Variants in KLF12 observed in about 807,000 individuals in gnomAD.
KLF12 encodes KLF transcription factor 12.
Under a neutral mutation model 37.8 loss-of-function variants are expected in KLF12, and 9 were observed. The ratio of observed to expected loss-of-function variants is 0.24; its 90% confidence interval spans 0.14 to 0.42. The LOEUF (loss-of-function observed/expected upper bound fraction) is 0.42. Among genes scored for constraint, KLF12 ranks in the 10% least tolerant of loss-of-function variants. KLF12 has a pLI of 1.00. For missense variants in KLF12, 411 were observed against 516.0 expected, an observed-to-expected ratio of 0.80 and a Z score of 1.97; for synonymous variants, 208 against 202.1, an observed-to-expected ratio of 1.03 and a Z score of -0.25.
chr13:74,191,718 T>C, the KLF12 span, among the ~76,000 whole-genome samples: 5 of 152,190 alleles, frequency 3.3e-5, no homozygotes, highest in African/African-American at 1.2e-4. Flanking sequence ...AAATGAGTCA[T>C]TCCTTAGCAC....
chr13:74,117,576 C>A lies in KLF12; in HGVS notation c.-32+16163G>T, dbSNP rs78882196. ...GACTTAGTGACTCACTTCCACAGAA[C>A]AGAGTAAGGAAATGGAAAAAAATTA... On this transcript the variant is annotated intron_variant, in intron 1 of 7. Transcript: ENST00000377669. Among the ~76,000 whole-genome samples the A allele has an allele frequency of 9.1e-3, 1,389 of 152,232 alleles. 14 individuals are homozygous for A. The highest frequency in any genetic ancestry group is 0.021 in the South Asian group (101 of 4,830).
chr13:73,721,555 A>G (rs1010633897), intron 6 of KLF12, among the ~76,000 whole-genome samples: 50 of 152,170 alleles, frequency 3.3e-4, no homozygotes, highest in African/African-American at 1.1e-3. Flanking sequence ...CTCTCCTTTC[A>G]TCTTGTTTTT....
At chr13:73,948,366 C>T (rs528531203) in intron 2 of KLF12, among the ~76,000 whole-genome samples, 1 of 152,340 alleles carries the variant, frequency 6.6e-6, no homozygotes, top group East Asian at 1.9e-4. Context: ...GGATTACAGG[C>T]ATGCGCCACC....
At chr13:73,725,164 A>G (rs1291993606) in intron 6 of KLF12, among the ~76,000 whole-genome samples, 1 of 152,034 alleles carries the variant, frequency 6.6e-6, no homozygotes, top group Non-Finnish European at 1.5e-5. Flanking sequence ...GCAGTGGTGC[A>G]ATCTCAGCTC....
chr13:74,262,813 A>G, the KLF12 span, among the ~76,000 whole-genome samples: 1 of 152,102 alleles, frequency 6.6e-6, no homozygotes, highest in Middle Eastern at 3.2e-3. Context: ...GTATATATAT[A>G]TATGTGTGCA....
intron 1 of KLF12, among the ~76,000 whole-genome samples, chr13:74,011,346 T>C (rs1892547021): frequency 6.6e-6 from 1 of 152,108 alleles, no homozygotes; most frequent in African/African-American, 2.4e-5. Context: ...GTGATTTCAC[T>C]GACCACCAGG....
At chr13:74,181,712 C>CAAAAAAAAAAAAAAAAAAA in the KLF12 span, among the ~76,000 whole-genome samples, 1 of 105,822 alleles carries the variant, frequency 9.4e-6, no homozygotes. Context: ...AAAAAAAAAA[C>CAAAAAAAAAAAAAAAAAAA]AAAAAAAAAA....
At chr13:74,193,195 G>C in the KLF12 span, among the ~76,000 whole-genome samples, 4 of 151,992 alleles carry the variant, frequency 2.6e-5, no homozygotes, top group Non-Finnish European at 5.9e-5. Flanking sequence ...GGCCAGGCTG[G>C]TCTCGAACTC....
intron 2 of KLF12, among the ~76,000 whole-genome samples, chr13:73,964,788 C>T (rs1369098715): frequency 6.6e-6 from 1 of 151,812 alleles, no homozygotes; most frequent in East Asian, 1.9e-4. Flanking sequence ...TCGAGACTGG[C>T]GTGGGTAACA....
intron 7 of KLF12, among the ~76,000 whole-genome samples, chr13:73,712,801 G>C (rs904416924): frequency 6.6e-6 from 1 of 152,182 alleles, no homozygotes; most frequent in Admixed American, 6.5e-5. Flanking sequence ...CGACTCTAAA[G>C]GCTCAGATGA....
chr13:74,124,004 T>C (rs1877792804), intron 1 of KLF12, among the ~76,000 whole-genome samples: 1 of 147,780 alleles, frequency 6.8e-6, no homozygotes, highest in Admixed American at 6.7e-5. Context: ...AAAGCAATTT[T>C]TGTTGTTGTT....
chr13:73,907,459 C>A (rs1218175255), intron 3 of KLF12, among the ~76,000 whole-genome samples: 1 of 152,170 alleles, frequency 6.6e-6, no homozygotes, highest in East Asian at 1.9e-4. Flanking sequence ...ACCCACTTTC[C>A]TTCATGTAAC....
At position 74,055,562 on chromosome 13, in the gene KLF12, A is replaced by C. The variant is rs140168032; in HGVS notation, c.-31-60509T>G. On this transcript the variant is annotated intron_variant, in intron 1 of 7. Coordinates refer to ENST00000377669, the MANE Select transcript of KLF12 (RefSeq NM_007249.5). ...CTATGCAAGAATATGGAAACAAACT[A>C]TAGGCACAGTCAACCTTCCACAGTG... 3.7e-4 allele frequency among the ~76,000 whole-genome samples: 57 copies of C among 152,284 alleles called. 1 individual carries two copies. In the East Asian group the frequency reaches 9.7e-3, roughly 26 times the overall value.
rs151162588 is a variant in KLF12, at chr13:73,826,727, T to C, written c.671-13440A>G. On this transcript the variant is annotated intron_variant, in intron 4 of 7. Transcript: ENST00000377669. ...TGTCCATGAACAATACCTACAGTTTTGCTCTTTTTAAAATGGCATATAACA... is the reference window on the plus strand; with the variant it reads ...TGTCCATGAACAATACCTACAGTTTCGCTCTTTTTAAAATGGCATATAACA... Among the ~76,000 whole-genome samples, 282 of 152,136 alleles carry C rather than the reference T, an allele frequency of 1.9e-3. 1 individual carries two copies. The highest frequency in any genetic ancestry group is 6.0e-3 in the African/African-American group (249 of 41,486).
intron 6 of KLF12, among the ~76,000 whole-genome samples, chr13:73,736,260 T>C (rs1010297567): frequency 6.6e-6 from 1 of 152,188 alleles, no homozygotes; most frequent in Non-Finnish European, 1.5e-5. Context: ...GTAGAGAAAA[T>C]GACTGTGGAG....
At chr13:74,140,346 G>T in the KLF12 span, among the ~76,000 whole-genome samples, 367 of 152,212 alleles carry the variant, frequency 2.4e-3, no homozygotes, top group Middle Eastern at 0.01. Context: ...AATGTAGAGA[G>T]ACTCTGTCTC....
the KLF12 span, among the ~76,000 whole-genome samples, chr13:74,199,934 T>G: frequency 6.6e-6 from 1 of 152,158 alleles, no homozygotes; most frequent in Non-Finnish European, 1.5e-5. Flanking sequence ...ATCTAGTAAG[T>G]AATGATCACT....
intron 2 of KLF12, among the ~76,000 whole-genome samples, chr13:73,949,896 AT>A (rs1432351214): frequency 2.0e-5 from 3 of 152,214 alleles, no homozygotes; most frequent in Admixed American, 6.5e-5. Context: ...ACTGTATTTT[AT>A]TAACAGAAAT....
intron 5 of KLF12, among the ~76,000 whole-genome samples, chr13:73,771,658 T>C (rs1261446428): frequency 6.6e-6 from 1 of 152,234 alleles, no homozygotes; most frequent in Non-Finnish European, 1.5e-5. Context: ...GGTCTTGCAT[T>C]GTAAGCAAAA....
Sources: allele counts gnomAD v4.1 joint callset (sites outside exome capture counted in the v4.1 genomes callset), GRCh38; gene constraint gnomAD v4.1.1; transcripts MANE v1.5; gene names NCBI Gene and HGNC (gene_info 2026-07-23, HGNC 2026-07-21).